SASH1: variants seen among roughly 807,000 people sequenced by gnomAD.
SASH1 encodes the protein SAM and SH3 domain-containing protein 1.
In SASH1, 44 loss-of-function variants were observed where a neutral mutation model predicts 125.2. The observed-to-expected ratio is 0.35, with a 90% confidence interval of 0.28 to 0.45. SASH1 has a LOEUF of 0.45. SASH1 is among the 20% of genes least tolerant of loss of function. The probability of loss-of-function intolerance (pLI) is 1.00; values close to 1 mark genes in which losing one functional copy is unlikely to be tolerated. For synonymous variants in SASH1, 639 were observed against 649.1 expected (o/e 0.98, Z 0.24); for missense variants, 1,426 against 1,614.5 (o/e 0.88, Z 2.00).
chr6:148,546,578 A>G (rs891102377), intron 19 of SASH1, among the ~76,000 whole-genome samples: 11 of 152,212 alleles, frequency 7.2e-5, no homozygotes, highest in African/African-American at 2.7e-4. Flanking sequence ...CTATTGTTCA[A>G]CATGGTGACT....
chr6:148,445,601 A>C (rs888531168), intron 4 of SASH1, among the ~76,000 whole-genome samples: 9 of 152,234 alleles, frequency 5.9e-5, no homozygotes, highest in Non-Finnish European at 1.2e-4. Context: ...GTCGGCCTTC[A>C]GAAACCCAGA....
At chr6:148,489,480 T>A (rs1389589468) in intron 8 of SASH1, among the ~76,000 whole-genome samples, 2 of 152,204 alleles carry the variant, frequency 1.3e-5, no homozygotes, top group Non-Finnish European at 2.9e-5. Context: ...TTAATCTTAG[T>A]TTGAGTTTTT....
At chr6:148,202,489 G>A in the SASH1 span, among the ~76,000 whole-genome samples, 1 of 152,214 alleles carries the variant, frequency 6.6e-6, no homozygotes, top group African/African-American at 2.4e-5. Flanking sequence ...CTAGGAGACA[G>A]GAGGGCTGCC....
rs781490115 is a variant in SASH1 at position 148,548,404 on chromosome 6, C to G, written c.3590C>G (p.Thr1197Ser). ...ATCGGTCTGCCCATGTACGCCGGCA[C>G]CCTCTCCACCGCGGGCTTCAGCACA... ...ISIGLPMYAG[T>S]LSTAGFSTLS... The change falls in exon 20 of 20, where the codon ACC (threonine) becomes AGC (serine). Residue 1197 changes from threonine to serine, a missense_variant. Thr to Ser is a moderately conservative substitution (Grantham distance 58). This residue lies in a region of SASH1 where 634 missense variants were observed against 694.4 expected (regional missense o/e 0.91). Transcript: ENST00000367467. The G allele has an allele frequency of 1.9e-6, 3 of 1,614,218 alleles. No individual in the cohort carries two copies. The highest frequency in any genetic ancestry group is 3.3e-5 in the Admixed American group (2 of 60,030).
intron 1 of SASH1, among the ~76,000 whole-genome samples, chr6:148,354,435 G>A (rs1054985028): frequency 1.3e-5 from 2 of 152,086 alleles, no homozygotes; most frequent in African/African-American, 4.8e-5. Context: ...ATGGATTCAT[G>A]AATGTACTAA....
intron 7 of SASH1, among the ~76,000 whole-genome samples, chr6:148,482,724 T>C (rs1320527551): frequency 2.4e-5 from 3 of 127,210 alleles, no homozygotes; most frequent in Non-Finnish European, 4.9e-5. Context: ...AGTCTTGCTC[T>C]GTCGCCCAGG....
At chr6:148,498,079 C>G (rs1779388201) in intron 8 of SASH1, among the ~76,000 whole-genome samples, 2 of 151,918 alleles carry the variant, frequency 1.3e-5, no homozygotes, top group African/African-American at 4.8e-5. Context: ...TGCTTGGAGG[C>G]CTTCCTCGAC....
intron 6 of SASH1, among the ~76,000 whole-genome samples, chr6:148,472,445 T>TAA (rs35761383): frequency 2.8e-5 from 4 of 144,148 alleles, no homozygotes; most frequent in African/African-American, 7.7e-5. Flanking sequence ...CCTTGGATTC[T>TAA]AAAAAAAAAA....
intron 1 of SASH1, among the ~76,000 whole-genome samples, chr6:148,374,330 G>A (rs967048724): frequency 6.6e-6 from 1 of 152,166 alleles, no homozygotes. Context: ...AGCAAACATT[G>A]ACCAGTAAAA....
intron 1 of SASH1, among the ~76,000 whole-genome samples, chr6:148,335,668 T>A (rs1475724223): frequency 4.6e-5 from 7 of 151,998 alleles, no homozygotes; most frequent in Admixed American, 3.3e-4. Flanking sequence ...AATGTGAAAG[T>A]TTCACTGAAA....
intron 2 of SASH1, among the ~76,000 whole-genome samples, chr6:148,419,229 A>T (rs1784945068): frequency 6.6e-6 from 1 of 152,194 alleles, no homozygotes; most frequent in Non-Finnish European, 1.5e-5. Context: ...TAGGTAGAAT[A>T]TTTAAAATCT....
chr6:148,522,129 T>C (rs1184354649), intron 10 of SASH1, among the ~76,000 whole-genome samples: 1 of 152,228 alleles, frequency 6.6e-6, no homozygotes, highest in Admixed American at 6.5e-5. Context: ...GTGTAATCCC[T>C]ATCCCAAGTA....
chr6:148,307,076 C>CTT (rs1245696730), intron 1 of SASH1, among the ~76,000 whole-genome samples: 7 of 146,896 alleles, frequency 4.8e-5, no homozygotes, highest in African/African-American at 1.8e-4. Flanking sequence ...TTCTTTCTTT[C>CTT]TTTCTTTCTT....
intron 2 of SASH1, among the ~76,000 whole-genome samples, chr6:148,397,869 T>C (rs911244048): frequency 6.6e-6 from 1 of 152,194 alleles, no homozygotes; most frequent in African/African-American, 2.4e-5. Flanking sequence ...AGACAAAATA[T>C]GTATTCCCTG....
the SASH1 span, among the ~76,000 whole-genome samples, chr6:148,222,442 C>A: frequency 3.3e-5 from 5 of 151,922 alleles, no homozygotes; most frequent in South Asian, 1.0e-3. Flanking sequence ...TGGGGCTGCA[C>A]CCTCAGGAAG....
At chr6:148,225,130 G>A in the SASH1 span, among the ~76,000 whole-genome samples, 2 of 152,210 alleles carry the variant, frequency 1.3e-5, no homozygotes, top group African/African-American at 4.8e-5. Flanking sequence ...TCCTGTGATT[G>A]TCTTAAGCAT....
intron 2 of SASH1, among the ~76,000 whole-genome samples, chr6:148,414,842 G>T (rs4897009): frequency 0.54 from 82,193 of 151,720 alleles, 22,394 homozygotes; most frequent in East Asian, 0.59. Flanking sequence ...ATTTTTTGTA[G>T]TTTCTTGGCC....
chr6:148,315,519 C>T (rs1039199563), intron 1 of SASH1, among the ~76,000 whole-genome samples: 6 of 152,094 alleles, frequency 3.9e-5, no homozygotes, highest in East Asian at 3.8e-4. Flanking sequence ...CAGGTAACCC[C>T]GCTAGTTGAT....
intron 1 of SASH1, among the ~76,000 whole-genome samples, chr6:148,328,798 T>C (rs1359604941): frequency 6.6e-6 from 1 of 152,180 alleles, no homozygotes; most frequent in Non-Finnish European, 1.5e-5. Context: ...TCATTTATCT[T>C]TACATTATTA....
Sources: allele counts gnomAD v4.1 joint callset (sites outside exome capture counted in the v4.1 genomes callset), GRCh38; gene constraint gnomAD v4.1.1; regional missense constraint gnomAD v4.1.1; transcripts MANE v1.5; gene names NCBI Gene and HGNC (gene_info 2026-07-23, HGNC 2026-07-21).